Variants in YARS1 observed in about 807,000 individuals in gnomAD.
The protein encoded by YARS1 is tyrosine--tRNA ligase, cytoplasmic.
YARS1 carries 36 observed loss-of-function variants against 62.2 expected under a neutral mutation model. The observed-to-expected ratio is 0.58, with a 90% CI of 0.44 to 0.76. The LOEUF (loss-of-function observed/expected upper bound fraction) is 0.76, where lower values mean the gene tolerates loss of function less well. YARS1 is among the 30% of genes least tolerant of loss of function. The pLI is 0.00. For missense variants in YARS1, 524 were observed against 639.8 expected, an observed-to-expected ratio of 0.82 and a Z score of 1.95; for synonymous variants, 234 against 244.9, an observed-to-expected ratio of 0.96 and a Z score of 0.42.
At chr1:32,777,859 A>G (rs1282378825) in intron 12 of YARS1, among the ~76,000 whole-genome samples, 1 of 152,136 alleles carries the variant, frequency 6.6e-6, no homozygotes, top group African/African-American at 2.4e-5. Context: ...CACTCCAAGC[A>G]TAGCAAAAGA....
At chr1:32,786,566 T>G (rs1268372090) in intron 7 of YARS1, 119 bp from the exon 8 acceptor site, 6 of 971,092 alleles carry the variant, frequency 6.2e-6, no homozygotes, top group Non-Finnish European at 9.7e-6. Flanking sequence ...TTCTGAACTT[T>G]ATTGTATGGT....
At position 32,785,412 on chromosome 1, in the gene YARS1, G is replaced by C. The variant is rs1348976578; in HGVS notation, c.906+950C>G. On this transcript the variant is annotated intron_variant, in intron 8 of 12. Coordinates refer to ENST00000373477, the MANE Select transcript of YARS1 (RefSeq NM_003680.4). ...GGAGGCGGAGGTTGCAGTGAGCCGA[G>C]ATCGTGCCACTGCACTCCAGCCTAG... 2.0e-5 allele frequency among the ~76,000 whole-genome samples: 3 copies of C among 150,388 alleles called. No individual in the cohort carries two copies. The East Asian group carries it at 6.0e-4, about 30-fold the overall frequency.
chr1:32,778,686 C>T (rs185107314), intron 12 of YARS1, among the ~76,000 whole-genome samples: 14 of 146,024 alleles, frequency 9.6e-5, no homozygotes, highest in African/African-American at 3.3e-4. Flanking sequence ...GAATTACAGG[C>T]GTGAGCCACC....
At chr1:32,792,811 C>T (rs1681001) in intron 5 of YARS1, among the ~76,000 whole-genome samples, 26,311 of 151,280 alleles carry the variant, frequency 0.17, 2,663 homozygotes, top group African/African-American at 0.26. Context: ...ACCCAGGAGG[C>T]GGAGCTTGCA....
At chr1:32,803,286 C>CA (rs758095516) in intron 4 of YARS1, among the ~76,000 whole-genome samples, 10 of 134,968 alleles carry the variant, frequency 7.4e-5, no homozygotes, top group South Asian at 4.7e-4. Context: ...CCTAATTCTT[C>CA]TTTTTTTTTT....
chr1:32,811,249 G>A (rs1638578109), intron 1 of YARS1, 192 bp from the exon 2 acceptor site: 1 of 846,398 alleles, frequency 1.2e-6, no homozygotes, highest in African/African-American at 1.7e-5. Flanking sequence ...TCCCTTAGCT[G>A]AGAGAGCCAG....
intron 1 of YARS1, 99 bp downstream of exon 1, chr1:32,817,089 C>T: frequency 6.7e-7 from 1 of 1,483,268 alleles, no homozygotes; most frequent in Non-Finnish European, 9.4e-7. Flanking sequence ...AGCGCCGAGT[C>T]CCCGGCCCCA....
intron 6 of YARS1, 27 bp from the exon 7 acceptor site, chr1:32,787,102 C>T (rs1449397254): frequency 4.3e-6 from 7 of 1,613,710 alleles, no homozygotes; most frequent in Non-Finnish European, 5.9e-6. Flanking sequence ...GGAAGAGGAC[C>T]TCTTGTGGTT....
chr1:32,796,413 T>C (rs1224879938), intron 5 of YARS1, among the ~76,000 whole-genome samples: 2 of 151,950 alleles, frequency 1.3e-5, no homozygotes, highest in Non-Finnish European at 2.9e-5. Context: ...TCACCCAGTT[T>C]GGAGTGTGAT....
At chr1:32,799,811 T>TC (rs1463150252) in intron 4 of YARS1, among the ~76,000 whole-genome samples, 1 of 151,112 alleles carries the variant, frequency 6.6e-6, no homozygotes, top group Non-Finnish European at 1.5e-5. Context: ...TCTTTCTTTC[T>TC]TTTTTTTTAG....
At chr1:32,815,875 C>T (rs1638706879) in intron 1 of YARS1, among the ~76,000 whole-genome samples, 2 of 152,144 alleles carry the variant, frequency 1.3e-5, no homozygotes, top group East Asian at 3.9e-4. Context: ...TCTGGGAGGC[C>T]AAGGAGGGTG....
chr1:32,780,442 T>C (rs1653016060), intron 10 of YARS1, 164 bp from the exon 11 acceptor site: 1 of 734,260 alleles, frequency 1.4e-6, no homozygotes, highest in East Asian at 2.7e-5. Flanking sequence ...GACAGGAGAA[T>C]GGGCTCTGAT....
rs757419814 is a variant in YARS1, at chr1:32,806,489, C to G, written c.503G>C (p.Gly168Ala). The change falls in exon 4 of 13, where the codon GGA (glycine) becomes GCA (alanine). Residue 168 changes from glycine to alanine, a missense_variant. Transcript: ENST00000373477. ...TCCATCCCCCTTAAGTACCTGCAGT[C>G]CGGGGTATAAGAGGCCACTCAGCAA... Reference protein sequence around the residue: ...HPLLSGLLYPGLQALDEEYLK... With the variant: ...HPLLSGLLYPALQALDEEYLK... 6.2e-7 allele frequency: 1 copy of G among 1,614,064 alleles called. No individual in the cohort carries two copies. Among genetic ancestry groups the G allele is most frequent in the South Asian group, 1.1e-5 (1 of 91,082 alleles).
intron 8 of YARS1, among the ~76,000 whole-genome samples, chr1:32,785,251 G>C (rs1320087718): frequency 6.6e-6 from 1 of 152,150 alleles, no homozygotes; most frequent in Non-Finnish European, 1.5e-5. Flanking sequence ...CCTGAGGTCA[G>C]GAGTTCAAGA....
chr1:32,777,837 T>C (rs1299007285), intron 12 of YARS1, among the ~76,000 whole-genome samples: 1 of 152,120 alleles, frequency 6.6e-6, no homozygotes, highest in Non-Finnish European at 1.5e-5. Context: ...ACTTAAACCA[T>C]AAACGTATTA....
intron 8 of YARS1, among the ~76,000 whole-genome samples, chr1:32,784,033 T>G (rs1226094570): frequency 2.0e-5 from 3 of 151,328 alleles, no homozygotes; most frequent in African/African-American, 4.8e-5. Context: ...TGAGACATGG[T>G]CTCGCTCTGT....
chr1:32,799,812 T>C (rs919484743), intron 4 of YARS1, among the ~76,000 whole-genome samples: 1 of 151,772 alleles, frequency 6.6e-6, no homozygotes, highest in Non-Finnish European at 1.5e-5. Context: ...CTTTCTTTCT[T>C]TTTTTTTAGA....
At chr1:32,800,201 T>C (rs937850176) in intron 4 of YARS1, among the ~76,000 whole-genome samples, 4 of 151,948 alleles carry the variant, frequency 2.6e-5, no homozygotes, top group African/African-American at 9.7e-5. Flanking sequence ...AGGCTGGTCT[T>C]GAACTCCCAA....
intron 4 of YARS1, among the ~76,000 whole-genome samples, chr1:32,804,998 AGG>A (rs1638418052): frequency 6.6e-6 from 1 of 152,162 alleles, no homozygotes; most frequent in South Asian, 2.1e-4. Flanking sequence ...CGGGACGCCG[AGG>A]CGGGTAGATC....
Sources: allele counts gnomAD v4.1 joint callset (sites outside exome capture counted in the v4.1 genomes callset), GRCh38; gene constraint gnomAD v4.1.1; transcripts MANE v1.5; gene names NCBI Gene and HGNC (gene_info 2026-07-23, HGNC 2026-07-21).